The following DDX60L variants were observed in gnomAD, a reference collection of about 807,000 sequenced individuals.
DDX60L encodes the protein probable ATP-dependent RNA helicase DDX60-like.
In DDX60L, 191 loss-of-function variants were observed where a neutral mutation model predicts 211.6. The ratio of observed to expected loss-of-function variants is 0.90; its 90% CI spans 0.80 to 1.02. DDX60L has a LOEUF of 1.02. Among genes scored for constraint, DDX60L ranks in the 50% least tolerant of loss-of-function variants. DDX60L has a pLI of 0.00. For synonymous variants in DDX60L, 706 were observed against 694.1 expected, an observed-to-expected ratio of 1.02 and a Z score of -0.27; for missense variants, 2,007 against 1,984.1, an observed-to-expected ratio of 1.01 and a Z score of -0.22.
intron 18 of DDX60L, among the ~76,000 whole-genome samples, chr4:168,419,840 C>T (rs1750194005): frequency 6.6e-6 from 1 of 152,104 alleles, no homozygotes. Context: ...CTACTTGAAT[C>T]CCTTTCTAAG....
chr4:168,478,398 T>G (rs544707933), intron 1 of DDX60L, among the ~76,000 whole-genome samples: 4 of 152,166 alleles, frequency 2.6e-5, no homozygotes, highest in African/African-American at 9.7e-5. Context: ...ATTAACGGCA[T>G]AGGGAACTAA....
intron 15 of DDX60L, among the ~76,000 whole-genome samples, chr4:168,422,969 TTGTG>T (rs5863932): frequency 0.012 from 1,651 of 132,660 alleles, 28 homozygotes; most frequent in African/African-American, 0.046. Context: ...GTGGCTAATA[TTGTG>T]TGTGTGTGTG....
chr4:168,421,798 T>G lies in DDX60L; in HGVS notation c.2356A>C (p.Ser786Arg). The G allele has an allele frequency of 6.2e-7, 1 of 1,614,116 alleles. No individual in the cohort carries two copies. The highest frequency in any genetic ancestry group is 2.2e-5 in the East Asian group (1 of 44,878). ...YYCMEKVLRE[S>R]DVGVVVYVAP... ...ACGTACACAACCACCCCGACATCGC[T>G]CTCCCTCAGCACTTTCTCCATGCAG... Residue 786 changes from serine to arginine, a missense_variant, in exon 17 of 38, where the codon AGC becomes CGC. Ser to Arg is a moderately radical substitution (Grantham distance 110, BLOSUM62 -1). Coordinates refer to ENST00000682922, the MANE Select transcript of DDX60L (RefSeq NM_001012967.3).
In DDX60L at chr4:168,375,373, T is replaced by C; in HGVS notation, c.4633+4A>G. ...GTTCCGGAATGGAACTAAAATCTGC[T>C]TACTGATTCTTGACAAAGGGAGTTG... On this transcript the variant is annotated splice_donor_region_variant and intron_variant, in intron 34 of 37. Coordinates refer to ENST00000682922, the MANE Select transcript of DDX60L (RefSeq NM_001012967.3). 1 of 1,610,994 alleles carries C rather than the reference T, an allele frequency of 6.2e-7. No homozygotes were observed. The highest frequency in any genetic ancestry group is 8.5e-7 in the Non-Finnish European group (1 of 1,178,440).
chr4:168,445,798 A>T (rs1199833367), intron 9 of DDX60L, among the ~76,000 whole-genome samples: 4 of 135,158 alleles, frequency 3.0e-5, no homozygotes, highest in Non-Finnish European at 6.4e-5. Flanking sequence ...ATCTCAATAG[A>T]TGCAGAAAAA....
chr4:168,376,294 T>C (rs539748123), intron 33 of DDX60L, among the ~76,000 whole-genome samples: 241 of 152,198 alleles, frequency 1.6e-3, no homozygotes, highest in Middle Eastern at 0.014. Flanking sequence ...GTAAAGATAA[T>C]ACAATATGAT....
intron 36 of DDX60L, among the ~76,000 whole-genome samples, chr4:168,370,453 A>T (rs114024135): frequency 8.6e-4 from 131 of 152,290 alleles, no homozygotes; most frequent in Non-Finnish European, 1.6e-3. Flanking sequence ...AGGTGGGCAG[A>T]GGTTGATCAA....
intron 12 of DDX60L, 104 bp from the exon 13 acceptor site, chr4:168,430,742 T>G: frequency 2.3e-6 from 2 of 879,022 alleles, no homozygotes; most frequent in Non-Finnish European, 3.2e-6. Flanking sequence ...TAATTCAGTA[T>G]TTGCCAATGA....
chr4:168,379,806 A>G lies in DDX60L; in HGVS notation c.4141T>C (p.Leu1381=), dbSNP rs750783572. The G allele has an allele frequency of 1.6e-5, 26 of 1,612,694 alleles. No individual in the cohort carries two copies. Among genetic ancestry groups the G allele is most frequent in the South Asian group, 2.2e-5 (2 of 90,894 alleles). ...AKVLSVLKHS[L]LSFKRRRAME... is the part of the protein sequence containing the mutation. ...GCTCTTCGTCTCTTAAAAGACAGCA[A>G]TGAATGCTTTAGCACTGACAACACC... Residue 1381 remains leucine, a synonymous_variant, in exon 31 of 38, where the codon TTG becomes CTG. Transcript: ENST00000682922.
chr4:168,457,419 A>G (rs907762973), intron 6 of DDX60L, among the ~76,000 whole-genome samples: 49 of 149,572 alleles, frequency 3.3e-4, no homozygotes, highest in African/African-American at 1.1e-3. Context: ...TTCTTATGCA[A>G]CCACCTTTTA....
intron 30 of DDX60L, among the ~76,000 whole-genome samples, chr4:168,381,713 A>G (rs1742995096): frequency 6.6e-6 from 1 of 152,186 alleles, no homozygotes; most frequent in South Asian, 2.1e-4. Context: ...GTAGGGCCAC[A>G]GATTATATCT....
chr4:168,430,632 G>C lies in DDX60L; in HGVS notation c.1523C>G (p.Ser508Cys), dbSNP rs145502707. The C allele has an allele frequency of 1.6e-4, 244 of 1,544,644 alleles. 2 individuals are homozygous for C. The African/African-American group carries it at 2.9e-3, about 18-fold the overall frequency. Reference protein sequence around the residue: ...DRIKCHVDEQSRDPHVLDFLK... With the variant: ...DRIKCHVDEQCRDPHVLDFLK... ...GAAATCAAGAACATGAGGATCTCTA[G>C]ATTGTTCTGAAATAGAAAGACTTAA... The change falls in exon 13 of 38, where the codon TCT becomes TGT. Residue 508 changes from serine (S) to cysteine (C), a missense_variant. Physicochemically the swap from Ser to Cys is moderately radical, Grantham distance 112. Coordinates refer to ENST00000682922, the MANE Select transcript of DDX60L (RefSeq NM_001012967.3).
intron 37 of DDX60L, among the ~76,000 whole-genome samples, chr4:168,360,355 C>A (rs1323432249): frequency 2.0e-5 from 3 of 152,152 alleles, no homozygotes; most frequent in Admixed American, 1.3e-4. Flanking sequence ...CTATAAGCCA[C>A]TTGAGGAATC....
chr4:168,431,820 T>G (rs965777845), intron 12 of DDX60L, among the ~76,000 whole-genome samples: 1 of 152,180 alleles, frequency 6.6e-6, no homozygotes, highest in Non-Finnish European at 1.5e-5. Context: ...TATGAATTCC[T>G]TTCCTTAGGA....
At position 168,430,446 on chromosome 4, in the gene DDX60L, GA is replaced by G. The variant is rs749430142; in HGVS notation, c.1677+31del. 8 of 1,536,310 alleles carry G rather than the reference GA, an allele frequency of 5.2e-6. No individual in the cohort carries two copies. The Admixed American group carries it at 6.7e-5, about 13-fold the overall frequency. On this transcript the variant is annotated intron_variant, in intron 13 of 37. Transcript: ENST00000682922. The stretch of plus-strand genomic sequence containing the variant: ...CTAAAGAAAACAAAACAACATCAAA[GA>G]AAAAAATTAGGTAAAATCTTTGCGA...
chr4:168,384,347 C>A (rs962119679), intron 30 of DDX60L, among the ~76,000 whole-genome samples: 3 of 151,988 alleles, frequency 2.0e-5, no homozygotes, highest in African/African-American at 7.2e-5. Context: ...ATTAGCTGGG[C>A]ATGGTGGTGT....
At chr4:168,374,674 C>G (rs1483245748) in intron 34 of DDX60L, among the ~76,000 whole-genome samples, 1 of 152,214 alleles carries the variant, frequency 6.6e-6, no homozygotes, top group African/African-American at 2.4e-5. Flanking sequence ...AAAGAATTAA[C>G]TTTTCAATTG....
intron 4 of DDX60L, chr4:168,470,851 AAG>A: frequency 3.5e-6 from 1 of 282,092 alleles, no homozygotes; most frequent in South Asian, 3.1e-5. Context: ...AAAAAAAAAA[AAG>A]AAAGTTCTAC....
At chr4:168,419,982 G>T (rs1291507737) in intron 18 of DDX60L, among the ~76,000 whole-genome samples, 1 of 152,226 alleles carries the variant, frequency 6.6e-6, no homozygotes, top group Non-Finnish European at 1.5e-5. Context: ...CATTGGGTTT[G>T]TCAAATCTAC....
Sources: gnomAD v4.1 joint callset for allele counts (sites outside exome capture counted in the v4.1 genomes callset) on GRCh38, gnomAD v4.1.1 for gene constraint, MANE v1.5 for transcripts, NCBI Gene and HGNC (gene_info 2026-07-23, HGNC 2026-07-21) for gene names.